Variants in EIF4E2 observed in about 807,000 individuals in gnomAD.
EIF4E2 encodes the protein eukaryotic translation initiation factor 4E type 2.
Under a neutral mutation model 34.2 loss-of-function variants are expected in EIF4E2, and 13 were observed. That is an observed-to-expected ratio of 0.38 (90% CI 0.25 to 0.60). The LOEUF is 0.60. Ranked by LOEUF, EIF4E2 falls within the 20% of genes least tolerant of loss-of-function variation. The pLI, the probability that EIF4E2 is intolerant of heterozygous loss-of-function variation, is 0.62. For missense variants in EIF4E2, 222 were observed against 315.1 expected (o/e 0.70, Z 2.24); for synonymous variants, 100 against 106.6 (o/e 0.94, Z 0.38).
At chr2:232,575,985 C>A (rs1346270116) in intron 6 of EIF4E2, among the ~76,000 whole-genome samples, 1 of 152,090 alleles carries the variant, frequency 6.6e-6, no homozygotes, top group East Asian at 1.9e-4. Flanking sequence ...GCGGGCAGAT[C>A]ACGAGGTCAA....
intron 6 of EIF4E2, among the ~76,000 whole-genome samples, chr2:232,575,924 T>C (rs1195442143): frequency 6.6e-6 from 1 of 152,146 alleles, no homozygotes; most frequent in Non-Finnish European, 1.5e-5. Flanking sequence ...TGGGGTGCTT[T>C]GCTGGGCGCA....
intron 4 of EIF4E2, among the ~76,000 whole-genome samples, chr2:232,565,646 GA>G (rs1158234829): frequency 2.0e-5 from 3 of 148,458 alleles, no homozygotes; most frequent in Admixed American, 6.7e-5. Context: ...AAAAAGAAAA[GA>G]AAAAAAAAGA....
intron 1 of EIF4E2, 151 bp from the exon 2 acceptor site, chr2:232,556,265 G>A (rs909780216): frequency 1.8e-5 from 11 of 611,060 alleles, no homozygotes; most frequent in Admixed American, 1.7e-4. Context: ...TAATTTGCCT[G>A]TCTGTGTTAT....
chr2:232,568,525 A>G, intron 6 of EIF4E2: 1 of 887,768 alleles, frequency 1.1e-6, no homozygotes, highest in Non-Finnish European at 1.3e-6. Context: ...TCCAGGCTGG[A>G]GAGATCTACA....
chr2:232,566,347 C>T lies in EIF4E2; in HGVS notation c.376-482C>T, dbSNP rs112805097. ...GACTACAGGCGCCCACCACCATGCC[C>T]GGCTAATTTTGTTTTTGTATTTTTA... On this transcript the variant is annotated intron_variant, in intron 4 of 6. Coordinates refer to ENST00000258416, the MANE Select transcript of EIF4E2 (RefSeq NM_004846.4). This position sits in a 1 kb window ranked among gnomAD's most constrained non-coding sequence, Gnocchi z 4.9. Among the ~76,000 whole-genome samples, 1,251 of 152,194 alleles carry T rather than the reference C, an allele frequency of 8.2e-3. 18 individuals are homozygous for T. Among genetic ancestry groups the T allele is most frequent in the African/African-American group, 0.029 (1,192 of 41,548 alleles).
At chr2:232,554,321 G>A (rs1275289817) in intron 1 of EIF4E2, among the ~76,000 whole-genome samples, 1 of 152,164 alleles carries the variant, frequency 6.6e-6, no homozygotes, top group Non-Finnish European at 1.5e-5. Context: ...TAAAATGGGG[G>A]CACCAAAATT....
chr2:232,551,971 C>A (rs975974802), intron 1 of EIF4E2, among the ~76,000 whole-genome samples: 1 of 152,198 alleles, frequency 6.6e-6, no homozygotes, highest in Non-Finnish European at 1.5e-5. Flanking sequence ...CTCTCCCCCG[C>A]TGCCGCCCCA....
rs913662990 is a variant in EIF4E2 at position 232,566,041 on chromosome 2, G to A, written c.376-788G>A. Among the ~76,000 whole-genome samples the A allele has an allele frequency of 5.4e-5, 8 of 149,446 alleles. No homozygotes were observed. Among genetic ancestry groups the A allele is most frequent in the African/African-American group, 1.5e-4 (6 of 40,542 alleles). On this transcript the variant is annotated intron_variant, in intron 4 of 6. Coordinates refer to ENST00000258416, the MANE Select transcript of EIF4E2 (RefSeq NM_004846.4). This position sits in a 1 kb window ranked among gnomAD's most constrained non-coding sequence, Gnocchi z 4.9. Reference sequence around the variant, plus strand: ...CAAGAGGCAGAAGTGGCAGTGAGCCGATATCGCACCACTGCACTCCAGACT... The same window carrying A: ...CAAGAGGCAGAAGTGGCAGTGAGCCAATATCGCACCACTGCACTCCAGACT...
chr2:232,572,981 T>C (rs374094432), downstream of EIF4E2, among the ~76,000 whole-genome samples: 7 of 152,354 alleles, frequency 4.6e-5, no homozygotes, highest in East Asian at 1.4e-3. Flanking sequence ...GCCAAAGCAT[T>C]GGATTTTGCT....
chr2:232,562,891 A>G (rs1404015882), intron 3 of EIF4E2, among the ~76,000 whole-genome samples: 1 of 152,244 alleles, frequency 6.6e-6, no homozygotes, highest in African/African-American at 2.4e-5. Context: ...TGCTGAGTAT[A>G]AAGCACTGCC....
chr2:232,556,346 CTGGTGGCTTTGTTAGG>C (rs1692521555), intron 1 of EIF4E2, 54 bp from the exon 2 acceptor site: 2 of 1,278,074 alleles, frequency 1.6e-6, no homozygotes, highest in South Asian at 2.5e-5. Context: ...TTCGTATGAC[CTGGTGGCTTTGTTAGG>C]TAAGCAAGAA....
At chr2:232,563,410 AG>A (rs543149379) in intron 3 of EIF4E2, among the ~76,000 whole-genome samples, 12 of 146,238 alleles carry the variant, frequency 8.2e-5, no homozygotes, top group Admixed American at 3.5e-4. Context: ...TTTTAAGGGG[AG>A]GGGGGGTGAC....
intron 6 of EIF4E2, among the ~76,000 whole-genome samples, chr2:232,579,430 A>G (rs1357745217): frequency 6.6e-6 from 1 of 152,192 alleles, no homozygotes; most frequent in Non-Finnish European, 1.5e-5. Flanking sequence ...GACTTTTGAG[A>G]TAACATCAGT....
downstream of EIF4E2, chr2:232,569,766 C>G (rs1172843216): frequency 2.6e-5 from 4 of 152,276 alleles, no homozygotes; most frequent in Admixed American, 2.6e-4. Flanking sequence ...CTCTTTGAGT[C>G]AGCCCTGCTT....
intron 1 of EIF4E2, 147 bp from the exon 2 acceptor site, chr2:232,556,267 CTG>C: frequency 1.6e-6 from 1 of 612,366 alleles, no homozygotes; most frequent in Non-Finnish European, 2.9e-6. Context: ...ATTTGCCTGT[CTG>C]TGTTATTTTG....
chr2:232,554,417 C>T (rs1692449964), intron 1 of EIF4E2, among the ~76,000 whole-genome samples: 1 of 152,294 alleles, frequency 6.6e-6, no homozygotes, highest in Non-Finnish European at 1.5e-5. Flanking sequence ...GGGGCCTTTG[C>T]ACCATGCTGA....
At chr2:232,570,928 A>C (rs1693076093), downstream of EIF4E2, among the ~76,000 whole-genome samples, 1 of 152,254 alleles carries the variant, frequency 6.6e-6, no homozygotes, top group Admixed American at 6.5e-5. Flanking sequence ...CAAGAGCAAA[A>C]CTCCATCTCA....
At chr2:232,564,386 C>G in intron 4 of EIF4E2, 35 bp downstream of exon 4, 1 of 1,402,040 alleles carries the variant, frequency 7.1e-7, no homozygotes, top group South Asian at 1.3e-5. Flanking sequence ...CTTTTTTGAG[C>G]AAGTTTGGGT....
chr2:232,580,826 AT>A (rs1334927712), intron 6 of EIF4E2: 8 of 1,316,876 alleles, frequency 6.1e-6, no homozygotes, highest in Admixed American at 2.1e-5. Flanking sequence ...ATGAGTCAGC[AT>A]CCCCCTGTAT....
Sources: allele counts gnomAD v4.1 joint callset (sites outside exome capture counted in the v4.1 genomes callset), GRCh38; gene constraint gnomAD v4.1.1; non-coding constraint Gnocchi (gnomAD v3.1); transcripts MANE v1.5; gene names NCBI Gene and HGNC (gene_info 2026-07-23, HGNC 2026-07-21).